TMPRSS12: variants seen among roughly 807,000 people sequenced by gnomAD.
The protein encoded by TMPRSS12 is transmembrane protease serine 12.
TMPRSS12 carries 25 observed loss-of-function variants against 26.0 expected under a neutral mutation model. That is an observed-to-expected ratio of 0.96 (90% CI 0.70 to 1.34). The LOEUF (loss-of-function observed/expected upper bound fraction) is 1.34. Among genes scored for constraint, TMPRSS12 ranks in the 40% most tolerant of loss-of-function variants. The probability of loss-of-function intolerance (pLI) is 0.00; values close to 1 mark genes in which losing one functional copy is unlikely to be tolerated. For missense variants in TMPRSS12, 441 were observed against 440.1 expected, an observed-to-expected ratio of 1.00 and a Z score of -0.02; for synonymous variants, 150 against 161.7, an observed-to-expected ratio of 0.93 and a Z score of 0.55.
chr12:50,874,109 A>T (rs1938091671), intron 3 of TMPRSS12, among the ~76,000 whole-genome samples: 1 of 152,160 alleles, frequency 6.6e-6, no homozygotes, highest in African/African-American at 2.4e-5. Context: ...ATTTAAAAAA[A>T]ACCCAAGCCC....
At chr12:50,844,792 A>G (rs1271632696) in intron 2 of TMPRSS12, among the ~76,000 whole-genome samples, 1 of 152,220 alleles carries the variant, frequency 6.6e-6, no homozygotes, top group East Asian at 1.9e-4. Flanking sequence ...AAAATAAGTA[A>G]TTGAATGAGT....
At chr12:50,873,230 G>A (rs1222203024) in intron 3 of TMPRSS12, among the ~76,000 whole-genome samples, 2 of 151,940 alleles carry the variant, frequency 1.3e-5, no homozygotes. Flanking sequence ...TACAAATAGG[G>A]TGCAGTGTAT....
chr12:50,851,023 G>T (rs753363981), intron 2 of TMPRSS12, among the ~76,000 whole-genome samples: 1 of 152,110 alleles, frequency 6.6e-6, no homozygotes, highest in Non-Finnish European at 1.5e-5. Flanking sequence ...ACCCTCAAGG[G>T]CATCAAAGAA....
chr12:50,858,768 T>G lies in TMPRSS12; in HGVS notation c.384-17T>G. 1 of 1,491,366 alleles carries G rather than the reference T, an allele frequency of 6.7e-7. No homozygotes were observed. The highest frequency in any genetic ancestry group is 8.9e-7 in the Non-Finnish European group (1 of 1,123,302). 92.4% of individuals were successfully genotyped at this position (1,491,366 alleles called of 1,614,324 possible). A position where few individuals can be genotyped will look rare whatever the true frequency, so the allele number is the denominator to read the frequency against. The stretch of plus-strand genomic sequence containing the variant: ...TAATTAAAGATATTTATAATAAGAA[T>G]GTTTACTTTCTTTCAGCGATCCTTT... On this transcript the variant is annotated splice_polypyrimidine_tract_variant and intron_variant, in intron 2 of 4. Transcript: ENST00000398458.
chr12:50,854,540 G>A (rs1020982430), intron 2 of TMPRSS12, among the ~76,000 whole-genome samples: 3 of 151,986 alleles, frequency 2.0e-5, no homozygotes, highest in South Asian at 2.1e-4. Flanking sequence ...TAGACACTAC[G>A]ATTCTATACC....
intron 3 of TMPRSS12, among the ~76,000 whole-genome samples, chr12:50,866,711 AC>A (rs777164347): frequency 1.3e-5 from 2 of 151,900 alleles, no homozygotes; most frequent in Non-Finnish European, 2.9e-5. Context: ...AAAGCTAAGA[AC>A]CTTCACAGAG....
At chr12:50,874,364 T>C (rs1237240193) in intron 3 of TMPRSS12, among the ~76,000 whole-genome samples, 2 of 152,094 alleles carry the variant, frequency 1.3e-5, no homozygotes, top group African/African-American at 2.4e-5. Context: ...AAGGATTATA[T>C]ACACTACCTA....
At chr12:50,857,506 C>G (rs1937890105) in intron 2 of TMPRSS12, among the ~76,000 whole-genome samples, 1 of 152,142 alleles carries the variant, frequency 6.6e-6, no homozygotes, top group Non-Finnish European at 1.5e-5. Context: ...TAAACATTGC[C>G]AATTTGAAGG....
intron 3 of TMPRSS12, among the ~76,000 whole-genome samples, chr12:50,882,265 C>T (rs1418294723): frequency 8.1e-5 from 8 of 98,484 alleles, no homozygotes; most frequent in African/African-American, 3.2e-4. Context: ...GCCTAGGCAA[C>T]AGAGCAAGAC....
At chr12:50,879,804 C>CA (rs369965451) in intron 3 of TMPRSS12, among the ~76,000 whole-genome samples, 1 of 151,864 alleles carries the variant, frequency 6.6e-6, no homozygotes, top group Non-Finnish European at 1.5e-5. Flanking sequence ...CCCGTCTCCA[C>CA]AAAAAATACC....
At chr12:50,843,663 T>A (rs996921036) in intron 1 of TMPRSS12, among the ~76,000 whole-genome samples, 179 bp from the exon 2 acceptor site, 2 of 152,188 alleles carry the variant, frequency 1.3e-5, no homozygotes, top group South Asian at 2.1e-4. Flanking sequence ...AGTAATCGAT[T>A]ATGGCATATT....
At chr12:50,849,425 A>G (rs550856861) in intron 2 of TMPRSS12, among the ~76,000 whole-genome samples, 1 of 152,366 alleles carries the variant, frequency 6.6e-6, no homozygotes, top group South Asian at 2.1e-4. Context: ...CACCTTTTAA[A>G]AAATGTTCTG....
intron 3 of TMPRSS12, among the ~76,000 whole-genome samples, chr12:50,872,406 G>A (rs866423610): frequency 0.022 from 3,262 of 148,288 alleles, 44 homozygotes; most frequent in Middle Eastern, 0.038. Context: ...CCAGCTACTC[G>A]GGAGGCTGAG....
intron 3 of TMPRSS12, among the ~76,000 whole-genome samples, chr12:50,879,465 ATAT>A (rs1395169264): frequency 6.6e-6 from 1 of 152,244 alleles, no homozygotes; most frequent in African/African-American, 2.4e-5. Flanking sequence ...CTAATTTGAC[ATAT>A]TATTATCATT....
At position 50,843,249 on chromosome 12, in the gene TMPRSS12, T is replaced by C. The variant is rs1937732007; in HGVS notation, c.187+98T>C. ...GGTTTCTCCTTTTCTGTTGTCCCAATGGCCTTTAACCAAAATTTTACATAC... is the reference window on the plus strand; with the variant it reads ...GGTTTCTCCTTTTCTGTTGTCCCAACGGCCTTTAACCAAAATTTTACATAC... On this transcript the variant is annotated intron_variant, in intron 1 of 4. Coordinates refer to ENST00000398458, the MANE Select transcript of TMPRSS12 (RefSeq NM_182559.3). 6 of 1,356,376 alleles carry C rather than the reference T, an allele frequency of 4.4e-6. No individual in the cohort carries two copies. In the South Asian group the frequency reaches 8.2e-5, roughly 19 times the overall value. The allele number at this position is 1,356,376 out of a possible 1,614,324, so 84.0% of individuals were successfully genotyped here.
chr12:50,865,204 G>A (rs1937979629), intron 3 of TMPRSS12, among the ~76,000 whole-genome samples: 1 of 151,948 alleles, frequency 6.6e-6, no homozygotes, highest in African/African-American at 2.4e-5. Flanking sequence ...ATGGTGGTGG[G>A]TGCCTGTAAT....
chr12:50,859,854 C>A (rs1400787426), intron 3 of TMPRSS12, among the ~76,000 whole-genome samples: 2 of 152,168 alleles, frequency 1.3e-5, no homozygotes. Context: ...AATTGCCTAA[C>A]GATGTATTTC....
intron 3 of TMPRSS12, among the ~76,000 whole-genome samples, chr12:50,869,195 A>T (rs987147114): frequency 5.3e-5 from 8 of 152,016 alleles, no homozygotes; most frequent in Non-Finnish European, 1.2e-4. Context: ...AATACAAAAG[A>T]TAAGTGAAAC....
At chr12:50,883,234 G>T (rs967619962) in intron 3 of TMPRSS12, among the ~76,000 whole-genome samples, 1 of 152,186 alleles carries the variant, frequency 6.6e-6, no homozygotes, top group Non-Finnish European at 1.5e-5. Context: ...AAGAGGCTGA[G>T]GCAGAAGGAT....
Sources: gnomAD v4.1 joint callset for allele counts (sites outside exome capture counted in the v4.1 genomes callset) on GRCh38, gnomAD v4.1.1 for gene constraint, MANE v1.5 for transcripts, NCBI Gene and HGNC (gene_info 2026-07-23, HGNC 2026-07-21) for gene names.